MAN2A2: variants seen among roughly 807,000 people sequenced by gnomAD.
MAN2A2 encodes the protein mannosidase alpha class 2A member 2, also known as alpha-mannosidase 2x.
A neutral mutation model predicts 126.8 loss-of-function variants in MAN2A2; 79 were observed. That is an observed-to-expected ratio of 0.62 (90% CI 0.52 to 0.75). The LOEUF (loss-of-function observed/expected upper bound fraction) is 0.75, where lower values mean the gene tolerates loss of function less well. Among genes scored for constraint, MAN2A2 ranks in the 30% least tolerant of loss-of-function variants. The pLI, the probability that MAN2A2 is intolerant of heterozygous loss-of-function variation, is 0.00. For missense variants in MAN2A2, 1,392 were observed against 1,522.4 expected (o/e 0.91, Z 1.43); for synonymous variants, 671 against 618.7 (o/e 1.08, Z -1.25).
rs568204776 is a variant in MAN2A2, at chr15:90,906,073, A to G, written c.707+57A>G. Reference sequence around the variant, plus strand: ...ATTGTCTGAGCCCCAGGCTGGGTGGACGGGTCTTACCTTAAGCTATGGGTG... The same window carrying G: ...ATTGTCTGAGCCCCAGGCTGGGTGGGCGGGTCTTACCTTAAGCTATGGGTG... On this transcript the variant is annotated intron_variant, in intron 5 of 22. Transcript: ENST00000559717. 110 of 1,606,368 alleles carry G rather than the reference A, an allele frequency of 6.8e-5. 2 individuals are homozygous for G. In the South Asian group the frequency reaches 1.1e-3, roughly 16 times the overall value.
chr15:90,918,493 G>A, intron 21 of MAN2A2, 105 bp downstream of exon 21: 1 of 1,369,218 alleles, frequency 7.3e-7, no homozygotes, highest in Non-Finnish European at 1.0e-6. Flanking sequence ...CCCCTTAGCA[G>A]GTATTCGGCT....
chr15:90,902,594 G>A (rs1361046109), upstream of MAN2A2: 2 of 152,262 alleles, frequency 1.3e-5, no homozygotes, highest in East Asian at 3.9e-4. Flanking sequence ...GCCCGGCCCG[G>A]GCTGGTGCGG....
chr15:90,907,930 C>T (rs1177698361), intron 8 of MAN2A2, among the ~76,000 whole-genome samples: 1 of 152,132 alleles, frequency 6.6e-6, no homozygotes, highest in Admixed American at 6.6e-5. Context: ...AATTTAGGGA[C>T]CCCTAAAGAT....
intron 22 of MAN2A2, among the ~76,000 whole-genome samples, chr15:90,919,272 G>T (rs941440026): frequency 2.6e-5 from 4 of 152,226 alleles, no homozygotes; most frequent in Non-Finnish European, 4.4e-5. Flanking sequence ...GTTGCTGAGA[G>T]GGGCCAGCCG....
At chr15:90,913,064 C>G in intron 17 of MAN2A2, 73 bp downstream of exon 17, 1 of 1,297,234 alleles carries the variant, frequency 7.7e-7, no homozygotes, top group Non-Finnish European at 1.1e-6. Context: ...CTTCCTTCTG[C>G]TGCTTCTCTG....
rs1448483580 is a variant in MAN2A2, at chr15:90,906,727, A to G, written c.836-13A>G. On this transcript the variant is annotated splice_polypyrimidine_tract_variant and intron_variant, in intron 6 of 22. Transcript: ENST00000559717. Reference sequence around the variant, plus strand: ...TGTGTTCAGGGCCTCTCTGGCTTCCATGCCCTGCCCAGGTGCAACCCCCCG... The same window carrying G: ...TGTGTTCAGGGCCTCTCTGGCTTCCGTGCCCTGCCCAGGTGCAACCCCCCG... 2 of 1,609,612 alleles carry G rather than the reference A, an allele frequency of 1.2e-6. No individual in the cohort carries two copies. Among genetic ancestry groups the G allele is most frequent in the Non-Finnish European group, 1.7e-6 (2 of 1,179,736 alleles).
At chr15:90,904,532 G>A (rs1419282327) in intron 2 of MAN2A2, among the ~76,000 whole-genome samples, 193 bp downstream of exon 2, 1 of 100,476 alleles carries the variant, frequency 1.0e-5, no homozygotes, top group Non-Finnish European at 1.7e-5. Flanking sequence ...AAAGAAGGAA[G>A]GAAGAAAAAA....
In MAN2A2 at chr15:90,911,085, C is replaced by T. The variant is rs529915344; in HGVS notation, c.1876-86C>T. The T allele has an allele frequency of 5.3e-6, 8 of 1,506,690 alleles. No individual in the cohort carries two copies. In the East Asian group the frequency reaches 9.2e-5, roughly 17 times the overall value. The allele number at this position is 1,506,690 out of a possible 1,614,324, so 93.3% of individuals were successfully genotyped here. A position where few individuals can be genotyped will look rare whatever the true frequency, so the allele number is the denominator to read the frequency against. On this transcript the variant is annotated intron_variant, in intron 12 of 22. Transcript: ENST00000559717. ...ATCCGGATGAGTTCTGTGCCCAGTGCAGCCGCTGGTCCACACCTGGGACAG... is the reference window on the plus strand; with the variant it reads ...ATCCGGATGAGTTCTGTGCCCAGTGTAGCCGCTGGTCCACACCTGGGACAG...
At chr15:90,909,635 A>G (rs2677749) in intron 9 of MAN2A2, 131 bp downstream of exon 9, 379,794 of 845,684 alleles carry the variant, frequency 0.45, 97,452 homozygotes, top group East Asian at 0.98. Flanking sequence ...ATGGAGTCTC[A>G]CTCTGTTGCC....
In MAN2A2 at chr15:90,911,458, G is replaced by T; in HGVS notation, c.2017G>T (p.Val673Leu). 6.2e-7 allele frequency: 1 copy of T among 1,614,198 alleles called. No individual in the cohort carries two copies. Among genetic ancestry groups the T allele is most frequent in the Non-Finnish European group, 8.5e-7 (1 of 1,180,032 alleles). Residue 673 changes from valine to leucine, a missense_variant, in exon 14 of 23, where the codon GTG (valine) becomes TTG (leucine). By Grantham distance (32) the Val-to-Leu change is conservative. Coordinates refer to ENST00000559717, the MANE Select transcript of MAN2A2 (RefSeq NM_006122.4). ...MVSLLVNSPR[V>L]RVLSEEGQPL... ...GTCCCTGCTGGTCAACTCTCCCCGC[G>T]TGCGTGTCCTTTCGGAGGAGGGTCA...
At chr15:90,915,955 T>C (rs913835379) in intron 19 of MAN2A2, 168 bp from the exon 20 acceptor site, 6 of 637,774 alleles carry the variant, frequency 9.4e-6, no homozygotes, top group African/African-American at 9.2e-5. Context: ...GAGCCCCTCA[T>C]CAGGTTCCCT....
In MAN2A2 at chr15:90,904,392, G is replaced by A. The variant is rs2034081687; in HGVS notation, c.132+53G>A. The A allele has an allele frequency of 2.3e-5, 37 of 1,584,032 alleles. No homozygotes were observed. In the South Asian group the frequency reaches 4.0e-4, roughly 17 times the overall value. On this transcript the variant is annotated intron_variant, in intron 2 of 22. Transcript: ENST00000559717. ...TTGTATACAAGTCACCTGGGCTCAG[G>A]GTATGCACCTCCCACCCCGCCGCCT...
At chr15:90,906,286 G>T in intron 5 of MAN2A2, 84 bp from the exon 6 acceptor site, 1 of 1,569,986 alleles carries the variant, frequency 6.4e-7, no homozygotes, top group Non-Finnish European at 8.7e-7. Flanking sequence ...AGTGAGGCCA[G>T]TGCACACAGG....
In MAN2A2 at chr15:90,910,616, C is replaced by T; in HGVS notation, c.1693C>T (p.Leu565Phe). The change falls in exon 11 of 23, where the codon CTC becomes TTC. Residue 565 changes from leucine (L) to phenylalanine (F), a missense_variant. By Grantham distance (22) the Leu-to-Phe change is conservative. Coordinates refer to ENST00000559717, the MANE Select transcript of MAN2A2 (RefSeq NM_006122.4). ...GACGGAAGCTCGGCGCACATTGGGG[C>T]TCTTCCAGCATCACGATGCCATCAC... ...LLTEARRTLG[L>F]FQHHDAITGT... 1 of 1,614,184 alleles carries T rather than the reference C, an allele frequency of 6.2e-7. No homozygotes were observed. Among genetic ancestry groups the T allele is most frequent in the Non-Finnish European group, 8.5e-7 (1 of 1,180,022 alleles).
chr15:90,903,658 A>G (rs1297611180), intron 1 of MAN2A2: 1 of 226,178 alleles, frequency 4.4e-6, no homozygotes, highest in Non-Finnish European at 8.9e-6. Flanking sequence ...TGCTAGAAAC[A>G]CAAGCATCTT....
At position 90,919,658 on chromosome 15, in the gene MAN2A2, T is replaced by A. The variant is rs1417232604; in HGVS notation, c.3324T>A (p.His1108Gln). Residue 1108 changes from histidine (H) to glutamine (Q), a missense_variant, in exon 23 of 23, where the codon CAT becomes CAA. Transcript: ENST00000559717. ...AGGTAGCCCTGGGCAGCCTTTTCCATGGCCTGGATGTGGTATTCCTTCAGC... is the reference window on the plus strand; with the variant it reads ...AGGTAGCCCTGGGCAGCCTTTTCCAAGGCCTGGATGTGGTATTCCTTCAGC... ...QGKVALGSLF[H>Q]GLDVVFLQPT... is the part of the protein sequence containing the mutation. The A allele has an allele frequency of 3.1e-6, 5 of 1,614,088 alleles. No homozygotes were observed. The highest frequency in any genetic ancestry group is 4.2e-6 in the Non-Finnish European group (5 of 1,180,030).
rs769925525 is a variant in MAN2A2, at chr15:90,910,868, C to T, written c.1782C>T (p.Asn594=). The T allele has an allele frequency of 1.9e-6, 3 of 1,614,154 alleles. No individual in the cohort carries two copies. The highest frequency in any genetic ancestry group is 2.5e-6 in the Non-Finnish European group (3 of 1,180,010). ...YGVRLLRSLV[N]LKQVIIHAAH... ...ACAGGCTTCTGCGCTCCCTTGTCAA[C>T]CTGAAGCAGGTCATCATTCATGCAG... is the stretch of plus-strand genomic sequence containing the variant. Residue 594 remains asparagine (N), a synonymous_variant, in exon 12 of 23, where the codon AAC becomes AAT. Coordinates refer to ENST00000559717, the MANE Select transcript of MAN2A2 (RefSeq NM_006122.4).
chr15:90,905,975 G>T lies in MAN2A2; in HGVS notation c.666G>T (p.Trp222Cys). ...CAGAGGTCTCCTTCTTCGCCAAGTG[G>T]TGGGACAACATCAATGTCCAAAAGA... ...LWAEVSFFAKWWDNINVQKRA... is the reference protein window; with the variant it reads ...LWAEVSFFAKCWDNINVQKRA... Residue 222 changes from tryptophan to cysteine, a missense_variant, in exon 5 of 23, where the codon TGG becomes TGT. Physicochemically the swap from Trp to Cys is radical, Grantham distance 215. Coordinates refer to ENST00000559717, the MANE Select transcript of MAN2A2 (RefSeq NM_006122.4). The T allele has an allele frequency of 6.2e-7, 1 of 1,614,056 alleles. No individual in the cohort carries two copies. Among genetic ancestry groups the T allele is most frequent in the Non-Finnish European group, 8.5e-7 (1 of 1,180,026 alleles).
chr15:90,912,385 G>A, intron 15 of MAN2A2, 106 bp downstream of exon 15: 1 of 1,557,022 alleles, frequency 6.4e-7, no homozygotes, highest in South Asian at 1.1e-5. Context: ...TCTGCCACCT[G>A]ACCCACAGTG....
Sources: allele counts gnomAD v4.1 joint callset (sites outside exome capture counted in the v4.1 genomes callset), GRCh38; gene constraint gnomAD v4.1.1; transcripts MANE v1.5; gene names NCBI Gene and HGNC (gene_info 2026-07-23, HGNC 2026-07-21).